The following RIPOR3 variants were observed in gnomAD, a reference collection of about 807,000 sequenced individuals.
RIPOR3 encodes family with sequence similarity 65 member C.
Under a neutral mutation model 114.3 loss-of-function variants are expected in RIPOR3, and 95 were observed. The ratio of observed to expected loss-of-function variants is 0.83; its 90% CI spans 0.70 to 0.99. The LOEUF (loss-of-function observed/expected upper bound fraction) is 0.99, where lower values mean the gene tolerates loss of function less well. Among genes scored for constraint, RIPOR3 ranks in the 50% least tolerant of loss-of-function variants. The probability of loss-of-function intolerance (pLI) is 0.00; values close to 1 mark genes in which losing one functional copy is unlikely to be tolerated. For missense variants in RIPOR3, 1,252 were observed against 1,266.9 expected, an observed-to-expected ratio of 0.99 and a Z score of 0.18; for synonymous variants, 575 against 543.8, an observed-to-expected ratio of 1.06 and a Z score of -0.80.
At chr20:50,628,196 T>G (rs1028556944) in intron 2 of RIPOR3, among the ~76,000 whole-genome samples, 1 of 152,174 alleles carries the variant, frequency 6.6e-6, no homozygotes, top group Non-Finnish European at 1.5e-5. Context: ...TGTGCCTTTC[T>G]CAGGCAGCAC....
chr20:50,629,123 G>A (rs1186569935), intron 2 of RIPOR3, among the ~76,000 whole-genome samples: 4 of 152,168 alleles, frequency 2.6e-5, no homozygotes, highest in Non-Finnish European at 5.9e-5. Flanking sequence ...GAGGCCGGGA[G>A]GGGAGGGAGG....
At position 50,592,198 on chromosome 20, in the gene RIPOR3, A is replaced by G. The variant is rs1350468081; in HGVS notation, c.2577+146T>C. 4.0e-6 allele frequency: 3 copies of G among 741,240 alleles called. No individual in the cohort carries two copies. In the East Asian group the frequency reaches 9.4e-5, roughly 23 times the overall value. The allele number at this position is 741,240 out of a possible 1,614,324, so 45.9% of individuals were successfully genotyped here. A position where few individuals can be genotyped will look rare whatever the true frequency, so the allele number is the denominator to read the frequency against. On this transcript the variant is annotated intron_variant, in intron 19 of 21. Coordinates refer to ENST00000327979, the MANE Select transcript of RIPOR3 (RefSeq NM_001290268.2). ...AGCAAGGTGCATTCATGTGTGTTAG[A>G]TCGTAGCCCAGGTCCCTCCATCAAA...
At chr20:50,650,062 G>A (rs1234091588) in intron 1 of RIPOR3, among the ~76,000 whole-genome samples, 1 of 152,134 alleles carries the variant, frequency 6.6e-6, no homozygotes. Flanking sequence ...TCATGGTTCT[G>A]GAAGCGAGGA....
chr20:50,691,035 G>A (rs1179813251), intron 1 of RIPOR3, 91 bp downstream of exon 1: 4 of 1,285,484 alleles, frequency 3.1e-6, no homozygotes, highest in Admixed American at 4.6e-5. Flanking sequence ...TGTGAGGAAC[G>A]GCTGCCTCCT....
intron 1 of RIPOR3, among the ~76,000 whole-genome samples, chr20:50,649,182 C>T (rs1332964770): frequency 2.0e-5 from 3 of 152,176 alleles, no homozygotes; most frequent in African/African-American, 7.2e-5. Context: ...CAATGGCTCA[C>T]ACCTGTAATC....
chr20:50,673,835 G>A (rs1008227780), intron 1 of RIPOR3, among the ~76,000 whole-genome samples: 2 of 152,162 alleles, frequency 1.3e-5, no homozygotes, highest in Non-Finnish European at 2.9e-5. Flanking sequence ...CCAATGGAGC[G>A]AATCGTTGCG....
intron 1 of RIPOR3, among the ~76,000 whole-genome samples, chr20:50,682,105 G>A (rs2086879149): frequency 6.6e-6 from 1 of 152,190 alleles, no homozygotes; most frequent in Admixed American, 6.5e-5. Flanking sequence ...ACACACTCCT[G>A]TATGTGTGCA....
At chr20:50,590,859 G>C (rs1434961225) in intron 19 of RIPOR3, among the ~76,000 whole-genome samples, 1 of 146,978 alleles carries the variant, frequency 6.8e-6, no homozygotes, top group Admixed American at 6.9e-5. Flanking sequence ...TCGTTGCCCA[G>C]CCTGGGGTGC....
At chr20:50,619,167 T>C (rs776043150) in intron 3 of RIPOR3, among the ~76,000 whole-genome samples, 5 of 152,058 alleles carry the variant, frequency 3.3e-5, no homozygotes, top group Non-Finnish European at 1.5e-5. Flanking sequence ...AAGGAGGCTA[T>C]GCCAGGTGCA....
At chr20:50,682,731 C>CT (rs11483033) in intron 1 of RIPOR3, among the ~76,000 whole-genome samples, 116,835 of 146,432 alleles carry the variant, frequency 0.8, 47,454 homozygotes, top group East Asian at 0.95. Flanking sequence ...AGTGATAAAA[C>CT]TTTTTTTTTT....
chr20:50,644,960 C>T (rs2085352435), intron 1 of RIPOR3, among the ~76,000 whole-genome samples: 1 of 151,840 alleles, frequency 6.6e-6, no homozygotes, highest in Non-Finnish European at 1.5e-5. Flanking sequence ...CGGCCTCAGC[C>T]TCCCGAGTAG....
Position 50,608,474 on chromosome 20 carries a change from C to A in RIPOR3, c.871G>T (p.Asp291Tyr). 6.2e-7 allele frequency: 1 copy of A among 1,613,924 alleles called. No individual in the cohort carries two copies. The highest frequency in any genetic ancestry group is 8.5e-7 in the Non-Finnish European group (1 of 1,179,924). Residue 291 changes from aspartate (D) to tyrosine (Y), a missense_variant, in exon 11 of 22, where the codon GAC becomes TAC. Coordinates refer to ENST00000327979, the MANE Select transcript of RIPOR3 (RefSeq NM_001290268.2). ...ACCTGCGGCCGCGTCGTGAAGAAGT[C>A]GGCGATGTCACACGTCACTGCACCC... ...AVGAVTCDIA[D>Y]FFTTRPQVIV...
In RIPOR3 at chr20:50,602,525, C is replaced by T; in HGVS notation, c.1206G>A (p.Gln402=). ...LRGPSLRSQS[Q]ELPEMDSFSS... The stretch of plus-strand genomic sequence containing the variant: ...TGAAGGAGTCCATCTCAGGCAGCTC[C>T]TGACTCTGGCTTCTTAGGCTGGGAC... The change falls in exon 13 of 22, where the codon CAG becomes CAA. Residue 402 remains glutamine (Q), a synonymous_variant. Transcript: ENST00000327979. The surrounding 1 kb of genome is among the most constrained non-coding windows in gnomAD (Gnocchi z 4.3). 2 of 1,562,072 alleles carry T rather than the reference C, an allele frequency of 1.3e-6. No individual in the cohort carries two copies. The highest frequency in any genetic ancestry group is 1.2e-5 in the South Asian group (1 of 85,320).
In RIPOR3 at chr20:50,608,518, C is replaced by G. The variant is rs781067754; in HGVS notation, c.827G>C (p.Gly276Ala). The G allele has an allele frequency of 1.2e-6, 2 of 1,613,822 alleles. No individual in the cohort carries two copies. Among genetic ancestry groups the G allele is most frequent in the Non-Finnish European group, 1.7e-6 (2 of 1,179,912 alleles). ...NLDIKVTELR[G>A]LGSLAVGAVT... ...TGCACCCACAGCCAGCGAGCCCAGGCCCCGCAACTCCGTCACCTGGGGGTG... is the reference window on the plus strand; with the variant it reads ...TGCACCCACAGCCAGCGAGCCCAGGGCCCGCAACTCCGTCACCTGGGGGTG... The change falls in exon 11 of 22, where the codon GGC becomes GCC. Residue 276 changes from glycine (G) to alanine (A), a missense_variant. Gly to Ala is a moderately conservative substitution (Grantham distance 60, BLOSUM62 0). Transcript: ENST00000327979.
intron 3 of RIPOR3, among the ~76,000 whole-genome samples, 156 bp from the exon 4 acceptor site, chr20:50,616,236 G>A (rs956459013): frequency 1.3e-5 from 2 of 152,204 alleles, no homozygotes; most frequent in African/African-American, 2.4e-5. Context: ...ACTGGGGGCT[G>A]TGTGCCCAGC....
At chr20:50,655,007 C>T (rs2085758560) in intron 1 of RIPOR3, among the ~76,000 whole-genome samples, 1 of 152,238 alleles carries the variant, frequency 6.6e-6, no homozygotes, top group South Asian at 2.1e-4. Context: ...ACTAGGCCCC[C>T]CAGAGTGCTG....
At chr20:50,634,053 C>T (rs1275900687) in intron 1 of RIPOR3, among the ~76,000 whole-genome samples, 1 of 149,364 alleles carries the variant, frequency 6.7e-6, no homozygotes, top group Admixed American at 6.7e-5. Flanking sequence ...ACGATCTCAG[C>T]TCACTGCAAC....
intron 4 of RIPOR3, 63 bp downstream of exon 4, chr20:50,615,939 G>T: frequency 6.8e-7 from 1 of 1,473,940 alleles, no homozygotes; most frequent in South Asian, 1.2e-5. Context: ...AAGGAACGCA[G>T]GGTTCATCTT....
intron 13 of RIPOR3, among the ~76,000 whole-genome samples, 171 bp downstream of exon 13, chr20:50,601,901 A>G (rs937147480): frequency 2.6e-5 from 4 of 152,152 alleles, no homozygotes; most frequent in African/African-American, 4.8e-5. Context: ...GGCTGTTGTT[A>G]TCCCCGCTTG....
Sources: gnomAD v4.1 joint callset for allele counts (sites outside exome capture counted in the v4.1 genomes callset) on GRCh38, gnomAD v4.1.1 for gene constraint, Gnocchi (gnomAD v3.1) non-coding constraint, MANE v1.5 for transcripts, NCBI Gene and HGNC (gene_info 2026-07-23, HGNC 2026-07-21) for gene names.